MTUS2: variants seen among roughly 807,000 people sequenced by gnomAD.
MTUS2 encodes microtubule associated scaffold protein 2.
MTUS2 carries 40 observed loss-of-function variants against 114.1 expected under a neutral mutation model. The observed-to-expected ratio is 0.35, with a 90% CI of 0.27 to 0.46. The LOEUF (loss-of-function observed/expected upper bound fraction) is 0.46. Ranked by LOEUF, MTUS2 falls within the 20% of genes least tolerant of loss-of-function variation. MTUS2 has a pLI of 1.00. For missense variants in MTUS2, 1,679 were observed against 1,705.4 expected (o/e 0.98, Z 0.27); for synonymous variants, 688 against 672.0 (o/e 1.02, Z -0.37).
At chr13:29,009,619 A>C (rs1006620340) in intron 2 of MTUS2, among the ~76,000 whole-genome samples, 1 of 152,220 alleles carries the variant, frequency 6.6e-6, no homozygotes, top group Non-Finnish European at 1.5e-5. Context: ...GGGGTTATCA[A>C]CTGTTCTGTA....
chr13:29,144,905 A>T (rs1451759517), intron 5 of MTUS2, among the ~76,000 whole-genome samples: 2 of 152,234 alleles, frequency 1.3e-5, no homozygotes, highest in African/African-American at 4.8e-5. Context: ...ACCTTACAGT[A>T]TGTCTGCCAC....
At chr13:28,859,120 C>G (rs894173664) in intron 2 of MTUS2, among the ~76,000 whole-genome samples, 1 of 152,122 alleles carries the variant, frequency 6.6e-6, no homozygotes. Flanking sequence ...CATTTGCTCT[C>G]TCCATAACAT....
At chr13:28,965,862 C>T (rs761229957) in intron 2 of MTUS2, among the ~76,000 whole-genome samples, 6 of 152,108 alleles carry the variant, frequency 3.9e-5, no homozygotes, top group Non-Finnish European at 2.9e-5. Context: ...GGAGCATAAT[C>T]AGCTTTTCTC....
intron 5 of MTUS2, among the ~76,000 whole-genome samples, chr13:29,177,084 A>G (rs1203577961): frequency 1.3e-5 from 2 of 151,086 alleles, no homozygotes; most frequent in Admixed American, 1.3e-4. Flanking sequence ...CACTCTCTTG[A>G]TGGCCACCCA....
At chr13:29,308,788 G>T (rs553004153) in intron 6 of MTUS2, among the ~76,000 whole-genome samples, 2 of 152,068 alleles carry the variant, frequency 1.3e-5, no homozygotes, top group Non-Finnish European at 2.9e-5. Context: ...ACAAACATAT[G>T]AAAAAAACCT....
chr13:29,031,237 G>GTGTGTGTGT (rs1555287203), intron 3 of MTUS2, among the ~76,000 whole-genome samples: 1 of 122,886 alleles, frequency 8.1e-6, no homozygotes, highest in Non-Finnish European at 1.7e-5. Context: ...AGAACTAATA[G>GTGTGTGTGT]GTGTGTGTGT....
At chr13:28,855,529 G>A (rs1214021351) in intron 2 of MTUS2, among the ~76,000 whole-genome samples, 1 of 152,082 alleles carries the variant, frequency 6.6e-6, no homozygotes, top group Non-Finnish European at 1.5e-5. Context: ...GTGGTGTTTG[G>A]TTTTCTGTTC....
chr13:28,887,420 C>T (rs997763951), intron 2 of MTUS2, among the ~76,000 whole-genome samples: 4 of 152,210 alleles, frequency 2.6e-5, no homozygotes, highest in African/African-American at 9.7e-5. Context: ...TGAGAGTCTG[C>T]TCTGTGGCAG....
intron 6 of MTUS2, among the ~76,000 whole-genome samples, chr13:29,317,356 T>C (rs890136549): frequency 6.6e-6 from 1 of 152,220 alleles, no homozygotes; most frequent in Admixed American, 6.5e-5. Context: ...TATTGGCAGC[T>C]GAAAACTGAT....
At chr13:29,086,451 C>A (rs1428644602) in intron 4 of MTUS2, among the ~76,000 whole-genome samples, 1 of 151,974 alleles carries the variant, frequency 6.6e-6, no homozygotes, top group Non-Finnish European at 1.5e-5. Context: ...GTTTTTATTT[C>A]TGGCTTCTTT....
intron 5 of MTUS2, among the ~76,000 whole-genome samples, chr13:29,162,329 G>A (rs1263534475): frequency 3.3e-5 from 5 of 152,118 alleles, no homozygotes; most frequent in African/African-American, 1.2e-4. Flanking sequence ...AATTATATAA[G>A]TGATTTGTTT....
At chr13:29,210,191 C>A (rs1333076080) in intron 5 of MTUS2, among the ~76,000 whole-genome samples, 1 of 151,866 alleles carries the variant, frequency 6.6e-6, no homozygotes, top group Non-Finnish European at 1.5e-5. Flanking sequence ...CTCTGAATTT[C>A]TTTCTTCTGC....
At chr13:29,457,847 G>A (rs931604611) in intron 9 of MTUS2, among the ~76,000 whole-genome samples, 3 of 152,036 alleles carry the variant, frequency 2.0e-5, no homozygotes, top group African/African-American at 7.2e-5. Context: ...ATTCTAGTAA[G>A]TGTGAAAAAG....
At chr13:29,138,674 A>G (rs1202660016) in intron 5 of MTUS2, among the ~76,000 whole-genome samples, 2 of 151,596 alleles carry the variant, frequency 1.3e-5, no homozygotes, top group African/African-American at 4.8e-5. Flanking sequence ...TGTAAACATA[A>G]TAAAAACCAT....
At chr13:29,210,616 G>A (rs118042276) in intron 5 of MTUS2, among the ~76,000 whole-genome samples, 2,580 of 152,276 alleles carry the variant, frequency 0.017, 45 homozygotes, top group Admixed American at 0.025. Context: ...GTCCCACAGG[G>A]TGCTCGCTTT....
chr13:29,454,791 T>C (rs1313245063), intron 9 of MTUS2, among the ~76,000 whole-genome samples: 1 of 152,242 alleles, frequency 6.6e-6, no homozygotes, highest in Non-Finnish European at 1.5e-5. Flanking sequence ...ATTTCTTTTC[T>C]AGTTCCTCAG....
At chr13:29,439,087 C>T (rs986823108) in intron 8 of MTUS2, among the ~76,000 whole-genome samples, 2 of 152,220 alleles carry the variant, frequency 1.3e-5, no homozygotes, top group East Asian at 1.9e-4. Flanking sequence ...AAAATTCCCT[C>T]CCCGGAAATC....
chr13:29,360,452 T>C (rs914458819), intron 8 of MTUS2, among the ~76,000 whole-genome samples: 48 of 152,182 alleles, frequency 3.2e-4, no homozygotes, highest in African/African-American at 1.1e-3. Context: ...TTGTTGTTAT[T>C]ATTTTTGTTT....
intron 2 of MTUS2, among the ~76,000 whole-genome samples, chr13:28,880,003 A>T (rs59783441): frequency 0.088 from 13,339 of 152,222 alleles, 1,893 homozygotes; most frequent in African/African-American, 0.3. Context: ...GACCTGATAT[A>T]TTGAGAGAAG....
Sources: allele counts gnomAD v4.1 joint callset (sites outside exome capture counted in the v4.1 genomes callset), GRCh38; gene constraint gnomAD v4.1.1; transcripts MANE v1.5; gene names NCBI Gene and HGNC (gene_info 2026-07-23, HGNC 2026-07-21).